The following SLC4A7 variants were observed in gnomAD, a reference collection of about 807,000 sequenced individuals.
SLC4A7 encodes the protein solute carrier family 4 member 7.
In SLC4A7, 51 loss-of-function variants were observed where a neutral mutation model predicts 137.6. The observed-to-expected ratio is 0.37, with a 90% CI of 0.30 to 0.47. SLC4A7 has a LOEUF of 0.47. SLC4A7 is among the 20% of genes least tolerant of loss of function. The pLI is 1.00. For synonymous variants in SLC4A7, 542 were observed against 518.6 expected (o/e 1.05, Z -0.61); for missense variants, 1,247 against 1,525.4 (o/e 0.82, Z 3.04).
At chr3:27,444,285 G>T (rs895601007) in intron 3 of SLC4A7, among the ~76,000 whole-genome samples, 7 of 152,098 alleles carry the variant, frequency 4.6e-5, no homozygotes, top group Non-Finnish European at 8.8e-5. Flanking sequence ...TGATTCTTAT[G>T]AGCCATTATA....
Position 27,374,464 on chromosome 3 carries a change from G to A in SLC4A7, c.*2300C>T, listed in dbSNP as rs1047640080. The A allele has an allele frequency of 4.6e-5, 7 of 152,340 alleles. No individual in the cohort carries two copies. The highest frequency in any genetic ancestry group is 1.7e-4 in the African/African-American group (7 of 41,410). 9.4% of individuals were successfully genotyped at this position (152,340 alleles called of 1,614,324 possible). A position where few individuals can be genotyped will look rare whatever the true frequency, so the allele number is the denominator to read the frequency against. On this transcript the variant is annotated 3_prime_UTR_variant, in exon 26 of 26. Coordinates refer to ENST00000454389, the MANE Select transcript of SLC4A7 (RefSeq NM_001321103.2). ...CTGTCTCTCAATGAATGCTATCTTTGATTATTTTTCAAAAACAGTGGAAGA... is the reference window on the plus strand; with the variant it reads ...CTGTCTCTCAATGAATGCTATCTTTAATTATTTTTCAAAAACAGTGGAAGA...
rs1291293268 is a variant in SLC4A7, at chr3:27,424,108, T to C, written c.1195A>G (p.Ser399Gly). The C allele has an allele frequency of 5.6e-6, 9 of 1,611,976 alleles. No individual in the cohort carries two copies. Among genetic ancestry groups the C allele is most frequent in the Non-Finnish European group, 7.6e-6 (9 of 1,178,734 alleles). The change falls in exon 8 of 26, where the codon AGT becomes GGT. Residue 399 changes from serine to glycine, a missense_variant. Physicochemically the swap from Ser to Gly is moderately conservative, Grantham distance 56 (BLOSUM62 0). This residue lies in a region of SLC4A7 where 499 missense variants were observed against 664.2 expected (regional missense o/e 0.75). Coordinates refer to ENST00000454389, the MANE Select transcript of SLC4A7 (RefSeq NM_001321103.2). ...TTACCTTTAATTTCTCCACTTTTAC[T>C]ATTGTCCAAGTTTCCAGGAGCAGAC... ...PQSAPGNLDN[S>G]KSGEIKGNGS... is the part of the protein sequence containing the mutation.
chr3:27,410,445 GC>G (rs1400114070), intron 12 of SLC4A7, among the ~76,000 whole-genome samples: 1 of 152,194 alleles, frequency 6.6e-6, no homozygotes, highest in African/African-American at 2.4e-5. Flanking sequence ...CTAACATTAA[GC>G]TTTCAAATGG....
At chr3:27,463,488 C>G (rs1024935235) in intron 1 of SLC4A7, among the ~76,000 whole-genome samples, 4 of 151,558 alleles carry the variant, frequency 2.6e-5, no homozygotes, top group Admixed American at 2.6e-4. Flanking sequence ...TGCAGTCAGC[C>G]GAGATCGCAC....
At chr3:27,426,540 GCA>G (rs1057221367) in intron 7 of SLC4A7, among the ~76,000 whole-genome samples, 122 of 152,132 alleles carry the variant, frequency 8.0e-4, no homozygotes, top group African/African-American at 2.3e-3. Flanking sequence ...CATACATAAC[GCA>G]CAGTTTTCCA....
chr3:27,420,625 G>T, intron 10 of SLC4A7, 75 bp downstream of exon 10: 1 of 878,748 alleles, frequency 1.1e-6, no homozygotes, highest in South Asian at 2.0e-5. Context: ...AAAGAAAAGA[G>T]AACTGTAATC....
rs951919280 is a variant in SLC4A7, at chr3:27,387,303, T to C, written c.3361-1280A>G. Reference sequence around the variant, plus strand: ...AATATGTAATTTACATACAGAAAAATTGAAAAATAGCATGTGTACAGTTTG... The same window carrying C: ...AATATGTAATTTACATACAGAAAAACTGAAAAATAGCATGTGTACAGTTTG... On this transcript the variant is annotated intron_variant, in intron 22 of 25. Coordinates refer to ENST00000454389, the MANE Select transcript of SLC4A7 (RefSeq NM_001321103.2). Among the ~76,000 whole-genome samples, 16 of 152,274 alleles carry C rather than the reference T, an allele frequency of 1.1e-4. 1 individual carries two copies. The highest frequency in any genetic ancestry group is 8.3e-4 in the South Asian group (4 of 4,820).
chr3:27,483,356 A>AGG (rs2059796273), intron 1 of SLC4A7, among the ~76,000 whole-genome samples: 1 of 152,230 alleles, frequency 6.6e-6, no homozygotes, highest in Non-Finnish European at 1.5e-5. Context: ...GAGTTAGAGA[A>AGG]GGAGCACCAG....
Position 27,417,883 on chromosome 3 carries a change from C to G in SLC4A7, c.1659+603G>C, listed in dbSNP as rs73048011. On this transcript the variant is annotated intron_variant, in intron 11 of 25. Coordinates refer to ENST00000454389, the MANE Select transcript of SLC4A7 (RefSeq NM_001321103.2). ...GAGGATGCAGGGAAATAGGCCCTTT[C>G]ATACATCACTGCAGGAGTCCAAAAC... is the stretch of plus-strand genomic sequence containing the variant. Among the ~76,000 whole-genome samples, 1,435 of 152,298 alleles carry G rather than the reference C, an allele frequency of 9.4e-3. 22 individuals carry two copies. Among genetic ancestry groups the G allele is most frequent in the East Asian group, 0.065 (335 of 5,188 alleles).
chr3:27,444,478 C>T (rs937250032), intron 3 of SLC4A7, among the ~76,000 whole-genome samples: 3 of 152,140 alleles, frequency 2.0e-5, no homozygotes, highest in Non-Finnish European at 4.4e-5. Context: ...ATTACTGATG[C>T]TCCCTTCATT....
chr3:27,472,942 T>A (rs992835764), intron 1 of SLC4A7, among the ~76,000 whole-genome samples: 1 of 151,958 alleles, frequency 6.6e-6, no homozygotes, highest in Non-Finnish European at 1.5e-5. Flanking sequence ...AAGCTGGGCG[T>A]GGTAGCGCAA....
Position 27,383,211 on chromosome 3 carries a change from G to A in SLC4A7, c.3532C>T (p.His1178Tyr). The change falls in exon 24 of 26, where the codon CAC (histidine) becomes TAC (tyrosine). Residue 1178 changes from histidine (H) to tyrosine (Y), a missense_variant. His to Tyr is a moderately conservative substitution (Grantham distance 83, BLOSUM62 2). Around this residue, in one of 6 missense-constraint regions of SLC4A7, gnomAD observed 290 missense variants for 323.8 expected, o/e 0.90. Transcript: ENST00000454389. ...AGACTTCCCCCTTCAAATGGAAGGT[G>A]CACAGTATCATCATCATCTTGAAGC... Reference protein sequence around the residue: ...RMLQDDDDTVHLPFEGGSLLQ... With the variant: ...RMLQDDDDTVYLPFEGGSLLQ... The A allele has an allele frequency of 3.7e-6, 6 of 1,613,182 alleles. No homozygotes were observed. Among genetic ancestry groups the A allele is most frequent in the Non-Finnish European group, 4.2e-6 (5 of 1,179,218 alleles).
intron 11 of SLC4A7, among the ~76,000 whole-genome samples, chr3:27,415,578 C>T (rs563637270): frequency 1.3e-5 from 2 of 152,340 alleles, no homozygotes; most frequent in South Asian, 4.1e-4. Flanking sequence ...ATTTTCTTAA[C>T]AGGATCTGAT....
intron 3 of SLC4A7, among the ~76,000 whole-genome samples, chr3:27,439,715 C>T (rs925282982): frequency 7.2e-5 from 11 of 152,168 alleles, no homozygotes; most frequent in African/African-American, 2.7e-4. Flanking sequence ...GCCCTGTATT[C>T]TTTCTTGTCT....
rs767702435 is a variant in SLC4A7 at position 27,433,957 on chromosome 3, A to C, written c.737T>G (p.Ile246Arg). 1 of 1,613,786 alleles carries C rather than the reference A, an allele frequency of 6.2e-7. No homozygotes were observed. The highest frequency in any genetic ancestry group is 8.5e-7 in the Non-Finnish European group (1 of 1,179,904). ...RIPLVRSFAD[I>R]GKKHSDPHLL... is the part of the protein sequence containing the mutation. Reference sequence around the variant, plus strand: ...GTGAGGGTCAGAATGTTTCTTGCCTATATCTGCAAAAGATCGAACAAGAGG... The same window carrying C: ...GTGAGGGTCAGAATGTTTCTTGCCTCTATCTGCAAAAGATCGAACAAGAGG... Residue 246 changes from isoleucine to arginine, a missense_variant, in exon 6 of 26, where the codon ATA becomes AGA. Physicochemically the swap from Ile to Arg is moderately conservative, Grantham distance 97 (BLOSUM62 -3). Coordinates refer to ENST00000454389, the MANE Select transcript of SLC4A7 (RefSeq NM_001321103.2).
At chr3:27,424,261 G>T in intron 7 of SLC4A7, 109 bp from the exon 8 acceptor site, 1 of 557,284 alleles carries the variant, frequency 1.8e-6, no homozygotes, top group South Asian at 3.0e-5. Flanking sequence ...AAGCAAATGT[G>T]CAAGGTTAAA....
intron 1 of SLC4A7, among the ~76,000 whole-genome samples, chr3:27,457,427 G>A (rs2058469439): frequency 1.3e-5 from 2 of 152,078 alleles, no homozygotes. Flanking sequence ...AATCTGATGT[G>A]ATCTGCCCTT....
At chr3:27,417,803 A>T (rs1277516397) in intron 11 of SLC4A7, among the ~76,000 whole-genome samples, 1 of 152,150 alleles carries the variant, frequency 6.6e-6, no homozygotes, top group Non-Finnish European at 1.5e-5. Flanking sequence ...TAGGAAGATA[A>T]AGATACCTAT....
chr3:27,406,344 G>A (rs1388159643), intron 13 of SLC4A7, among the ~76,000 whole-genome samples: 1 of 152,194 alleles, frequency 6.6e-6, no homozygotes, highest in Non-Finnish European at 1.5e-5. Flanking sequence ...TCATCAGCTA[G>A]AACAGCATCT....
Sources: allele counts gnomAD v4.1 joint callset (sites outside exome capture counted in the v4.1 genomes callset), GRCh38; gene constraint gnomAD v4.1.1; regional missense constraint gnomAD v4.1.1; transcripts MANE v1.5; gene names NCBI Gene and HGNC (gene_info 2026-07-23, HGNC 2026-07-21).